FAM107B: variants seen among roughly 807,000 people sequenced by gnomAD.
FAM107B encodes family with sequence similarity 107 member B.
In FAM107B, 21 loss-of-function variants were observed where a neutral mutation model predicts 31.5. The ratio of observed to expected loss-of-function variants is 0.67; its 90% CI spans 0.47 to 0.96. The LOEUF (loss-of-function observed/expected upper bound fraction) is 0.96, where lower values mean the gene tolerates loss of function less well. Ranked by LOEUF, FAM107B falls within the 40% of genes least tolerant of loss-of-function variation. The pLI is 0.00. For synonymous variants in FAM107B, 157 were observed against 141.5 expected (o/e 1.11, Z -0.78); for missense variants, 452 against 377.1 (o/e 1.20, Z -1.64).
intron 1 of FAM107B, among the ~76,000 whole-genome samples, chr10:14,715,306 C>T (rs937283860): frequency 6.6e-6 from 1 of 151,934 alleles, no homozygotes; most frequent in Admixed American, 6.6e-5. Context: ...ATTAAAAATA[C>T]GATCACTGAA....
chr10:14,682,653 G>A (rs1854865783), intron 1 of FAM107B, among the ~76,000 whole-genome samples: 1 of 152,100 alleles, frequency 6.6e-6, no homozygotes, highest in Non-Finnish European at 1.5e-5. Flanking sequence ...AGAAAACCAA[G>A]CCTCACATGT....
chr10:14,740,591 G>A (rs138870394), intron 1 of FAM107B, among the ~76,000 whole-genome samples: 5 of 152,216 alleles, frequency 3.3e-5, no homozygotes, highest in South Asian at 4.1e-4. Context: ...ACCCTAATGC[G>A]TATATGGGCT....
At chr10:14,765,123 A>G (rs537059504) in intron 1 of FAM107B, among the ~76,000 whole-genome samples, 17 of 152,312 alleles carry the variant, frequency 1.1e-4, no homozygotes, top group Non-Finnish European at 2.2e-4. Flanking sequence ...CTCCCCCAAT[A>G]TATCAATACC....
At chr10:14,604,125 G>GCCCCCCCCCCCC in intron 2 of FAM107B, 1 of 186,482 alleles carries the variant, frequency 5.4e-6, no homozygotes, top group Non-Finnish European at 9.4e-6. Context: ...CCCCCCACCC[G>GCCCCCCCCCCCC]CCCGGCCGCC....
intron 2 of FAM107B, chr10:14,604,201 C>T (rs1211110263): frequency 1.0e-6 from 1 of 979,406 alleles, no homozygotes; most frequent in South Asian, 4.7e-5. Flanking sequence ...CCGCGCCCCT[C>T]GTCTTTGTGT....
chr10:14,670,988 A>T (rs957905942), intron 1 of FAM107B, among the ~76,000 whole-genome samples: 1 of 152,218 alleles, frequency 6.6e-6, no homozygotes, highest in African/African-American at 2.4e-5. Flanking sequence ...GTCCAACTGT[A>T]GTAGACATCT....
chr10:14,627,324 T>C (rs1853190867), intron 2 of FAM107B, among the ~76,000 whole-genome samples: 1 of 152,250 alleles, frequency 6.6e-6, no homozygotes, highest in Non-Finnish European at 1.5e-5. Context: ...ATTCAGAATA[T>C]TATCATTAGA....
intron 2 of FAM107B, among the ~76,000 whole-genome samples, chr10:14,621,615 T>C (rs976458921): frequency 6.6e-6 from 1 of 152,186 alleles, no homozygotes; most frequent in Non-Finnish European, 1.5e-5. Context: ...TGCAATTCTA[T>C]TAAAAGAAAC....
chr10:14,533,928 GA>G (rs1316395924), intron 2 of FAM107B, among the ~76,000 whole-genome samples: 3 of 152,000 alleles, frequency 2.0e-5, no homozygotes, highest in Admixed American at 6.5e-5. Flanking sequence ...GCCGGTGCAG[GA>G]GGGGGGGGCT....
At chr10:14,568,035 C>A (rs1465944781) in intron 2 of FAM107B, among the ~76,000 whole-genome samples, 3 of 152,192 alleles carry the variant, frequency 2.0e-5, no homozygotes, top group Non-Finnish European at 2.9e-5. Flanking sequence ...CAAATACTGA[C>A]CCCTGCAGCA....
chr10:14,575,716 G>A (rs1450434407), intron 2 of FAM107B, among the ~76,000 whole-genome samples: 1 of 152,144 alleles, frequency 6.6e-6, no homozygotes, highest in Non-Finnish European at 1.5e-5. Flanking sequence ...TCACAATGCA[G>A]ACAGACACAT....
chr10:14,596,934 A>C (rs1265740501), intron 2 of FAM107B, among the ~76,000 whole-genome samples: 2 of 152,212 alleles, frequency 1.3e-5, no homozygotes, highest in Non-Finnish European at 2.9e-5. Context: ...ATTTTATAGA[A>C]GACGACGCTG....
intron 1 of FAM107B, among the ~76,000 whole-genome samples, chr10:14,696,433 T>C (rs568982668): frequency 6.6e-6 from 1 of 152,230 alleles, no homozygotes; most frequent in Non-Finnish European, 1.5e-5. Context: ...TCATCAGAGA[T>C]ACTGACCTGT....
At chr10:14,541,941 C>T (rs903371588) in intron 2 of FAM107B, among the ~76,000 whole-genome samples, 5 of 152,158 alleles carry the variant, frequency 3.3e-5, no homozygotes, top group African/African-American at 1.2e-4. Flanking sequence ...CTGTATGTCA[C>T]ACTGTGTGCA....
At chr10:14,651,937 A>G (rs1449333968) in intron 2 of FAM107B, among the ~76,000 whole-genome samples, 1 of 152,178 alleles carries the variant, frequency 6.6e-6, no homozygotes, top group East Asian at 1.9e-4. Flanking sequence ...AAAGGAACTC[A>G]ATAAGATTCA....
At position 14,762,760 on chromosome 10, in the gene FAM107B, A is replaced by T. The variant is rs1450113433; in HGVS notation, c.411+11493T>A. Among the ~76,000 whole-genome samples the T allele has an allele frequency of 8.0e-5, 9 of 112,986 alleles. No homozygotes were observed. The East Asian group carries it at 1.4e-3, about 18-fold the overall frequency. The allele number at this position is 112,986 out of a possible 152,430, so 74.1% of individuals were successfully genotyped here. A position where few individuals can be genotyped will look rare whatever the true frequency, so the allele number is the denominator to read the frequency against. On this transcript the variant is annotated intron_variant, in intron 1 of 4. Transcript: ENST00000181796. ...GACAGAGTGAAACTCTGTCTCACAC[A>T]CACACACACACACACACACACACAC...
Position 14,640,078 on chromosome 10 carries a change from C to T in FAM107B, c.469+27556G>A, listed in dbSNP as rs1405664874. Among the ~76,000 whole-genome samples, 3 of 152,186 alleles carry T rather than the reference C, an allele frequency of 2.0e-5. No homozygotes were observed. The East Asian group carries it at 5.8e-4, about 29-fold the overall frequency. On this transcript the variant is annotated intron_variant, in intron 2 of 4. Transcript: ENST00000181796. ...ATAATACACAGCTTGGCCATGGTAA[C>T]CCATACCCATCACTGAATAATTCCT...
chr10:14,609,921 G>A (rs576378391), intron 2 of FAM107B, among the ~76,000 whole-genome samples: 4 of 152,298 alleles, frequency 2.6e-5, no homozygotes, highest in Admixed American at 2.6e-4. Context: ...CAGGAACCAG[G>A]CCTAAGAAGG....
At chr10:14,729,038 G>A (rs547677445) in intron 1 of FAM107B, among the ~76,000 whole-genome samples, 1 of 152,176 alleles carries the variant, frequency 6.6e-6, no homozygotes, top group East Asian at 1.9e-4. Flanking sequence ...TTTGGCCCTG[G>A]CTGGAGTACA....
Sources: gnomAD v4.1 joint callset for allele counts (sites outside exome capture counted in the v4.1 genomes callset) on GRCh38, gnomAD v4.1.1 for gene constraint, MANE v1.5 for transcripts, NCBI Gene and HGNC (gene_info 2026-07-23, HGNC 2026-07-21) for gene names.